CTNND2: variants seen among roughly 807,000 people sequenced by gnomAD.
CTNND2 encodes catenin delta-2.
In CTNND2, 22 loss-of-function variants were observed where a neutral mutation model predicts 144.4. The observed-to-expected ratio is 0.15, with a 90% CI of 0.11 to 0.22. CTNND2 has a LOEUF of 0.22. CTNND2 is among the 10% of genes least tolerant of loss of function. The pLI is 1.00. For synonymous variants in CTNND2, 751 were observed against 695.6 expected (o/e 1.08, Z -1.25); for missense variants, 1,353 against 1,618.8 (o/e 0.84, Z 2.82).
chr5:11,618,415 C>G (rs1187604371), intron 2 of CTNND2, among the ~76,000 whole-genome samples: 1 of 151,956 alleles, frequency 6.6e-6, no homozygotes, highest in African/African-American at 2.4e-5. Flanking sequence ...AGGTTTGGAC[C>G]CAAAAAGGAA....
At chr5:11,119,957 T>C (rs1396915152) in intron 12 of CTNND2, among the ~76,000 whole-genome samples, 1 of 152,162 alleles carries the variant, frequency 6.6e-6, no homozygotes. Context: ...CTAATTTCAC[T>C]GGTAATCATT....
At chr5:11,428,168 T>C (rs552688057) in intron 3 of CTNND2, among the ~76,000 whole-genome samples, 3 of 152,156 alleles carry the variant, frequency 2.0e-5, no homozygotes, top group African/African-American at 7.2e-5. Context: ...AAGTTGAGAC[T>C]TGGTGGGGAC....
intron 2 of CTNND2, among the ~76,000 whole-genome samples, chr5:11,646,832 G>T (rs1782383002): frequency 6.6e-6 from 1 of 152,086 alleles, no homozygotes. Context: ...CAAGTTGCCT[G>T]ACCTCCTTCT....
chr5:11,352,670 A>T (rs905757208), intron 8 of CTNND2, among the ~76,000 whole-genome samples: 1 of 152,204 alleles, frequency 6.6e-6, no homozygotes. Context: ...CATTGTAATG[A>T]GCAGATAGAT....
At chr5:11,776,415 T>C (rs1454372773) in intron 1 of CTNND2, among the ~76,000 whole-genome samples, 1 of 152,184 alleles carries the variant, frequency 6.6e-6, no homozygotes, top group African/African-American at 2.4e-5. Flanking sequence ...ATCATAAACC[T>C]CTACTGTGAG....
chr5:11,754,027 CTT>C lies in CTNND2; in HGVS notation c.38-21757_38-21756del, dbSNP rs557414723. On this transcript the variant is annotated intron_variant, in intron 1 of 21. Coordinates refer to ENST00000304623, the MANE Select transcript of CTNND2 (RefSeq NM_001332.4). The stretch of plus-strand genomic sequence containing the variant: ...TCTTGGGGGTCAGTGGTAATGTCCT[CTT>C]TGTTATTTCCAATTGTGTTTATTGG... 4.1e-3 allele frequency among the ~76,000 whole-genome samples: 616 copies of C among 151,424 alleles called. 8 individuals are homozygous for C. The highest frequency in any genetic ancestry group is 0.014 in the African/African-American group (559 of 41,358).
chr5:11,018,378 C>T (rs1741851142), intron 17 of CTNND2, among the ~76,000 whole-genome samples: 1 of 152,086 alleles, frequency 6.6e-6, no homozygotes, highest in African/African-American at 2.4e-5. Flanking sequence ...CCTACAATGG[C>T]TCCCAAGTGT....
intron 7 of CTNND2, among the ~76,000 whole-genome samples, chr5:11,366,427 C>G (rs1222439567): frequency 6.6e-6 from 1 of 152,096 alleles, no homozygotes; most frequent in Non-Finnish European, 1.5e-5. Context: ...CAGGCAAGTT[C>G]CTTACCATTC....
intron 3 of CTNND2, among the ~76,000 whole-genome samples, chr5:11,541,995 T>TAA (rs921765400): frequency 6.7e-6 from 1 of 148,596 alleles, no homozygotes. Context: ...CCTCCCCAAT[T>TAA]AAAAAAAAAA....
chr5:11,183,870 ACTCT>A (rs1054023124), intron 11 of CTNND2, among the ~76,000 whole-genome samples: 3 of 150,902 alleles, frequency 2.0e-5, no homozygotes, highest in Admixed American at 1.3e-4. Context: ...AGTTTTGTGT[ACTCT>A]CTCTCTTTCT....
At chr5:11,800,674 T>G (rs1000107036) in intron 1 of CTNND2, among the ~76,000 whole-genome samples, 3 of 152,176 alleles carry the variant, frequency 2.0e-5, no homozygotes, top group African/African-American at 7.2e-5. Flanking sequence ...TATAAACTAA[T>G]GATTGATAAA....
At chr5:11,020,335 T>C (rs1250838293) in intron 17 of CTNND2, among the ~76,000 whole-genome samples, 1 of 151,750 alleles carries the variant, frequency 6.6e-6, no homozygotes, top group Non-Finnish European at 1.5e-5. Flanking sequence ...CTATCACAAA[T>C]AAAAATCAGG....
At chr5:11,276,994 T>C (rs32096) in intron 9 of CTNND2, among the ~76,000 whole-genome samples, 15,508 of 152,284 alleles carry the variant, frequency 0.1, 906 homozygotes, top group Admixed American at 0.17. Flanking sequence ...AATACATTTC[T>C]GTTGTTTTAA....
intron 3 of CTNND2, among the ~76,000 whole-genome samples, chr5:11,415,322 TG>T (rs1159209008): frequency 6.6e-6 from 1 of 152,170 alleles, no homozygotes; most frequent in African/African-American, 2.4e-5. Flanking sequence ...TGGTGACTCA[TG>T]CCTCTAACCC....
At chr5:11,046,129 A>C (rs1434915781) in intron 16 of CTNND2, among the ~76,000 whole-genome samples, 1 of 152,090 alleles carries the variant, frequency 6.6e-6, no homozygotes, top group Non-Finnish European at 1.5e-5. Flanking sequence ...CCTAACCCCC[A>C]GTCCCTCAGA....
intron 2 of CTNND2, among the ~76,000 whole-genome samples, chr5:11,711,212 C>T (rs889315695): frequency 6.6e-5 from 10 of 152,200 alleles, no homozygotes; most frequent in African/African-American, 1.4e-4. Context: ...TGTGCCACCA[C>T]GCCAGGCTAA....
rs73742374 is a variant in CTNND2 at position 11,208,790 on chromosome 5, A to G, written c.1762-9129T>C. ...TAATGAAAAGGACCGATGCACACACATTATAAACAAACTTAAAGTCGGGTG... is the reference window on the plus strand; with the variant it reads ...TAATGAAAAGGACCGATGCACACACGTTATAAACAAACTTAAAGTCGGGTG... On this transcript the variant is annotated intron_variant, in intron 10 of 21. Coordinates refer to ENST00000304623, the MANE Select transcript of CTNND2 (RefSeq NM_001332.4). 3.2e-3 allele frequency among the ~76,000 whole-genome samples: 488 copies of G among 152,322 alleles called. 4 individuals carry two copies. Among genetic ancestry groups the G allele is most frequent in the African/African-American group, 0.011 (474 of 41,582 alleles).
At chr5:11,454,590 GT>G (rs199576633) in intron 3 of CTNND2, among the ~76,000 whole-genome samples, 2 of 142,662 alleles carry the variant, frequency 1.4e-5, no homozygotes, top group South Asian at 2.1e-4. Flanking sequence ...ATAACAGAAA[GT>G]TTTTTTTCCT....
chr5:11,844,281 C>A (rs1221182870), intron 1 of CTNND2, among the ~76,000 whole-genome samples: 1 of 152,104 alleles, frequency 6.6e-6, no homozygotes, highest in East Asian at 1.9e-4. Flanking sequence ...TGTAATAGCT[C>A]CCTGAAGACC....
Sources: gnomAD v4.1 joint callset for allele counts (sites outside exome capture counted in the v4.1 genomes callset) on GRCh38, gnomAD v4.1.1 for gene constraint, MANE v1.5 for transcripts, NCBI Gene and HGNC (gene_info 2026-07-23, HGNC 2026-07-21) for gene names.